KMT5A: variants seen among roughly 807,000 people sequenced by gnomAD.
KMT5A encodes the protein lysine methyltransferase 5A, also known as N-lysine methyltransferase KMT5A.
A neutral mutation model predicts 40.6 loss-of-function variants in KMT5A; 6 were observed. The ratio of observed to expected loss-of-function variants is 0.15; its 90% CI spans 0.08 to 0.29. The LOEUF is 0.29. Ranked by LOEUF, KMT5A falls within the 10% of genes least tolerant of loss-of-function variation. KMT5A has a pLI of 1.00. For synonymous variants in KMT5A, 153 were observed against 178.8 expected, an observed-to-expected ratio of 0.86 and a Z score of 1.15; for missense variants, 308 against 459.1, an observed-to-expected ratio of 0.67 and a Z score of 3.01.
In KMT5A at chr12:123,390,727, C is replaced by A; in HGVS notation, c.230C>A (p.Thr77Lys). 6.2e-7 allele frequency: 1 copy of A among 1,613,920 alleles called. No homozygotes were observed. Residue 77 changes from threonine (T) to lysine (K), a missense_variant, in exon 3 of 8, where the codon ACA becomes AAA. Physicochemically the swap from Thr to Lys is moderately conservative, Grantham distance 78. Around this residue, in one of 4 missense-constraint regions of KMT5A, gnomAD observed 12 missense variants for 31.1 expected, o/e 0.39. Coordinates refer to ENST00000402868, the MANE Select transcript of KMT5A (RefSeq NM_020382.7). ...CCCCTTCAGGAAGAGAACTCAGTTA[C>A]ACATCACGAAGTCAAATGCCAGGGG... The part of the protein sequence containing the change: ...RFPLQEENSV[T>K]HHEVKCQGKP...
At chr12:123,395,021 C>T (rs1050934199) in intron 3 of KMT5A, 26 bp from the exon 4 acceptor site, 36 of 1,536,560 alleles carry the variant, frequency 2.3e-5, no homozygotes, top group Non-Finnish European at 2.8e-5. Flanking sequence ...AGAATAAACC[C>T]GTCTTTCCCC....
At chr12:123,407,449 C>G in intron 7 of KMT5A, 44 bp from the exon 8 acceptor site, 1 of 1,587,288 alleles carries the variant, frequency 6.3e-7, no homozygotes. Flanking sequence ...GGTTGAAAAG[C>G]CTCTTTATCC....
Position 123,384,218 on chromosome 12 carries a change from C to G in KMT5A, c.10+10C>G. ...GGAGCCATGGCTAGAGGTATTTGCC[C>G]AAGTGGCCGGCACCGGAGCGGCTGG... is the stretch of plus-strand genomic sequence containing the variant. On this transcript the variant is annotated intron_variant, in intron 1 of 7. Transcript: ENST00000402868. This position sits in a 1 kb window ranked among gnomAD's most constrained non-coding sequence, Gnocchi z 5.7. The G allele has an allele frequency of 3.7e-6, 6 of 1,613,400 alleles. No individual in the cohort carries two copies. The highest frequency in any genetic ancestry group is 5.1e-6 in the Non-Finnish European group (6 of 1,179,706).
chr12:123,408,181 T>C lies in KMT5A; in HGVS notation c.*478T>C, dbSNP rs1878706331. On this transcript the variant is annotated 3_prime_UTR_variant, in exon 8 of 8. Transcript: ENST00000402868. Reference sequence around the variant, plus strand: ...TCCAAGCTCTTGTTCCCCTAACGTCTCAACAGGCGCTCACTGAAGTGTATG... The same window carrying C: ...TCCAAGCTCTTGTTCCCCTAACGTCCCAACAGGCGCTCACTGAAGTGTATG... 1 of 158,992 alleles carries C rather than the reference T, an allele frequency of 6.3e-6. No individual in the cohort carries two copies. Among genetic ancestry groups the C allele is most frequent in the African/African-American group, 2.4e-5 (1 of 41,484 alleles). 9.8% of individuals were successfully genotyped at this position (158,992 alleles called of 1,614,324 possible).
At position 123,396,131 on chromosome 12, in the gene KMT5A, G is replaced by A. The variant is rs543737619; in HGVS notation, c.510-214G>A. Reference sequence around the variant, plus strand: ...AGAGTGTTGGCATTACAGGCATGAGGCACTGCGCCCAGCCAGCAGCCCGTC... The same window carrying A: ...AGAGTGTTGGCATTACAGGCATGAGACACTGCGCCCAGCCAGCAGCCCGTC... On this transcript the variant is annotated intron_variant, in intron 4 of 7. Transcript: ENST00000402868. Among the ~76,000 whole-genome samples, 86 of 152,236 alleles carry A rather than the reference G, an allele frequency of 5.6e-4. 1 individual carries two copies. The highest frequency in any genetic ancestry group is 1.9e-3 in the African/African-American group (78 of 41,558).
intron 3 of KMT5A, among the ~76,000 whole-genome samples, chr12:123,394,265 G>A (rs1279048357): frequency 6.6e-6 from 1 of 151,502 alleles, no homozygotes; most frequent in African/African-American, 2.4e-5. Flanking sequence ...CAGTACACTT[G>A]GCTAATTTTT....
chr12:123,386,484 G>A (rs1210289804), intron 1 of KMT5A, among the ~76,000 whole-genome samples: 2 of 152,106 alleles, frequency 1.3e-5, no homozygotes, highest in African/African-American at 4.8e-5. Context: ...CCAGAGTGCT[G>A]GGATTACAGG....
At position 123,390,792 on chromosome 12, in the gene KMT5A, C is replaced by T. The variant is rs374479813; in HGVS notation, c.289+6C>T. On this transcript the variant is annotated splice_donor_region_variant and intron_variant, in intron 3 of 7. Transcript: ENST00000402868. ...AATCTACAGGAAACGAGAAGGTAAGCTTTTGAAATGGCCTCGTTCTGATCC... is the reference window on the plus strand; with the variant it reads ...AATCTACAGGAAACGAGAAGGTAAGTTTTTGAAATGGCCTCGTTCTGATCC... 6.2e-7 allele frequency: 1 copy of T among 1,613,664 alleles called. No individual in the cohort carries two copies. The highest frequency in any genetic ancestry group is 8.5e-7 in the Non-Finnish European group (1 of 1,179,726).
intron 3 of KMT5A, among the ~76,000 whole-genome samples, chr12:123,392,473 CA>C (rs1339872577): frequency 6.6e-5 from 10 of 152,050 alleles, no homozygotes; most frequent in African/African-American, 2.4e-4. Context: ...GCCTGGGCAA[CA>C]TAGTGAGGCC....
intron 5 of KMT5A, among the ~76,000 whole-genome samples, chr12:123,400,660 ATAATTT>A (rs1051569898): frequency 1.3e-5 from 2 of 152,078 alleles, no homozygotes; most frequent in Non-Finnish European, 2.9e-5. Flanking sequence ...CGCCTGGCCA[ATAATTT>A]TAATTTTATA....
Position 123,407,593 on chromosome 12 carries a change from C to T in KMT5A, c.949C>T (p.His317Tyr). ...ACTGCACGACATCGACGGCGTACCT[C>T]ACCTCATCCTCATCGCCTCCCGAGA... ...TKLHDIDGVPHLILIASRDIA... is the reference protein window; with the variant it reads ...TKLHDIDGVPYLILIASRDIA... The change falls in exon 8 of 8, where the codon CAC becomes TAC. Residue 317 changes from histidine (H) to tyrosine (Y), a missense_variant. Around this residue, in one of 4 missense-constraint regions of KMT5A, gnomAD observed 77 missense variants for 220.0 expected, o/e 0.35. Transcript: ENST00000402868. 1.2e-6 allele frequency: 2 copies of T among 1,613,938 alleles called. No homozygotes were observed. Among genetic ancestry groups the T allele is most frequent in the Non-Finnish European group, 1.7e-6 (2 of 1,179,870 alleles).
chr12:123,399,384 G>C (rs570533682), intron 5 of KMT5A, among the ~76,000 whole-genome samples: 1 of 152,356 alleles, frequency 6.6e-6, no homozygotes, highest in Admixed American at 6.5e-5. Flanking sequence ...GCCTTTGGGA[G>C]ACTCAGCCTC....
In KMT5A at chr12:123,407,574, C is replaced by T. The variant is rs200452780; in HGVS notation, c.930C>T (p.His310=). Residue 310 remains histidine, a synonymous_variant, in exon 8 of 8, where the codon CAC becomes CAT. Transcript: ENST00000402868. ...SKCGNCQTKL[H]DIDGVPHLIL... is the part of the protein sequence containing the mutation. ...GTGGGAACTGCCAAACCAAACTGCA[C>T]GACATCGACGGCGTACCTCACCTCA... 2.4e-5 allele frequency: 39 copies of T among 1,613,758 alleles called. No homozygotes were observed. The highest frequency in any genetic ancestry group is 1.6e-4 in the Middle Eastern group (1 of 6,076).
intron 3 of KMT5A, among the ~76,000 whole-genome samples, chr12:123,391,976 A>G (rs1276313721): frequency 1.3e-5 from 2 of 152,328 alleles, no homozygotes; most frequent in Middle Eastern, 3.4e-3. Context: ...TTGGGTTCCA[A>G]TCTTAAGTTT....
In KMT5A at chr12:123,391,930, ACAGGG is replaced by A. The variant is rs769824952; in HGVS notation, c.289+1147_289+1151del. Among the ~76,000 whole-genome samples the A allele has an allele frequency of 9.2e-5, 14 of 152,350 alleles. No individual in the cohort carries two copies. The East Asian group carries it at 1.7e-3, about 19-fold the overall frequency. On this transcript the variant is annotated intron_variant, in intron 3 of 7. Coordinates refer to ENST00000402868, the MANE Select transcript of KMT5A (RefSeq NM_020382.7). ...CCCTGTGCTTGATCTCCCCTGGTAC[ACAGGG>A]CAATATTGTTTTATTTGATCTTCAG...
chr12:123,395,245 G>C lies in KMT5A; in HGVS notation c.488G>C (p.Gly163Ala). 6 of 1,613,242 alleles carry C rather than the reference G, an allele frequency of 3.7e-6. No individual in the cohort carries two copies. Among genetic ancestry groups the C allele is most frequent in the Non-Finnish European group, 5.1e-6 (6 of 1,179,650 alleles). ...CAAGCCCTGAAAAAGCCCATCAAGG[G>C]CAAACAGGCCCCCCGAAAAAAGTAA... is the stretch of plus-strand genomic sequence containing the variant. ...AKQALKKPIK[G>A]KQAPRKKAQG... The change falls in exon 4 of 8, where the codon GGC (glycine) becomes GCC (alanine). Residue 163 changes from glycine to alanine, a missense_variant. Coordinates refer to ENST00000402868, the MANE Select transcript of KMT5A (RefSeq NM_020382.7).
In KMT5A at chr12:123,408,096, C is replaced by G. The variant is rs1407677062; in HGVS notation, c.*393C>G. ...AGCCGGGACCTTCCCCCTGCACCCC[C>G]GACATCCAGGGACGGGGTGTGAGGA... On this transcript the variant is annotated 3_prime_UTR_variant, in exon 8 of 8. Transcript: ENST00000402868. 4.9e-6 allele frequency: 1 copy of G among 203,568 alleles called. No homozygotes were observed. The allele number at this position is 203,568 out of a possible 1,614,324, so 12.6% of individuals were successfully genotyped here. A position where few individuals can be genotyped will look rare whatever the true frequency, so the allele number is the denominator to read the frequency against.
Position 123,407,893 on chromosome 12 carries a change from G to C in KMT5A, c.*190G>C. ...TGTTACAGGTTTCCAAGGTGGACTTGAACAGATGGCCTTATATTACCAAAA... is the reference window on the plus strand; with the variant it reads ...TGTTACAGGTTTCCAAGGTGGACTTCAACAGATGGCCTTATATTACCAAAA... On this transcript the variant is annotated 3_prime_UTR_variant, in exon 8 of 8. Coordinates refer to ENST00000402868, the MANE Select transcript of KMT5A (RefSeq NM_020382.7). 3.4e-6 allele frequency: 2 copies of C among 589,486 alleles called. No homozygotes were observed. The highest frequency in any genetic ancestry group is 2.2e-5 in the South Asian group (1 of 46,322). The allele number at this position is 589,486 out of a possible 1,614,324, so 36.5% of individuals were successfully genotyped here.
intron 3 of KMT5A, among the ~76,000 whole-genome samples, chr12:123,393,438 A>G (rs892744000): frequency 2.4e-4 from 36 of 152,166 alleles, no homozygotes; most frequent in Non-Finnish European, 4.0e-4. Context: ...GACATTTCAT[A>G]TGGATGGAAT....
Sources: allele counts gnomAD v4.1 joint callset (sites outside exome capture counted in the v4.1 genomes callset), GRCh38; gene constraint gnomAD v4.1.1; regional missense constraint gnomAD v4.1.1; non-coding constraint Gnocchi (gnomAD v3.1); transcripts MANE v1.5; gene names NCBI Gene and HGNC (gene_info 2026-07-23, HGNC 2026-07-21).